FAM107A: variants seen among roughly 807,000 people sequenced by gnomAD.
FAM107A encodes the protein family with sequence similarity 107 member A.
A neutral mutation model predicts 13.7 loss-of-function variants in FAM107A; 19 were observed. The ratio of observed to expected loss-of-function variants is 1.38; its 90% CI spans 0.97 to 2.03. The LOEUF is 2.03. FAM107A is among the 30% of genes most tolerant of loss of function. The probability of loss-of-function intolerance (pLI) is 0.00; values close to 1 mark genes in which losing one functional copy is unlikely to be tolerated. For synonymous variants in FAM107A, 82 were observed against 74.5 expected, an observed-to-expected ratio of 1.10 and a Z score of -0.52; for missense variants, 203 against 184.4, an observed-to-expected ratio of 1.10 and a Z score of -0.58.
At chr3:58,582,880 C>A (rs913660280) in intron 1 of FAM107A, among the ~76,000 whole-genome samples, 4 of 152,182 alleles carry the variant, frequency 2.6e-5, no homozygotes, top group Non-Finnish European at 5.9e-5. Flanking sequence ...CTCACTGCGA[C>A]CTCTGCCTCC....
chr3:58,572,417 G>A (rs778907888), intron 1 of FAM107A, among the ~76,000 whole-genome samples: 16 of 152,276 alleles, frequency 1.1e-4, no homozygotes, highest in East Asian at 7.7e-4. Context: ...CTGAGGAGGC[G>A]ACATTAAGAT....
chr3:58,582,351 G>A (rs767529648), upstream of FAM107A, among the ~76,000 whole-genome samples: 3 of 152,198 alleles, frequency 2.0e-5, no homozygotes, highest in South Asian at 4.1e-4. Context: ...CTCTGGCTGC[G>A]GAGAAGAAGT....
intron 2 of FAM107A, among the ~76,000 whole-genome samples, chr3:58,568,608 CCATT>C (rs2063648497): frequency 6.6e-6 from 1 of 151,488 alleles, no homozygotes. Context: ...AGTCTAAAAA[CCATT>C]CAGAGAAAAT....
chr3:58,587,031 C>G, exon 1 of FAM107A: 1 of 1,367,332 alleles, frequency 7.3e-7, no homozygotes, highest in African/African-American at 1.5e-5. Flanking sequence ...GCGACGGTGA[C>G]GCGGCCCCAA....
At chr3:58,601,283 G>GA (rs57528793) in intron 1 of FAM107A, among the ~76,000 whole-genome samples, 27,042 of 152,050 alleles carry the variant, frequency 0.18, 3,222 homozygotes, top group East Asian at 0.46. Context: ...CCTCCTCCCA[G>GA]AAAAAACTGA....
intron 1 of FAM107A, among the ~76,000 whole-genome samples, chr3:58,616,376 T>A (rs773870054): frequency 6.6e-6 from 1 of 151,990 alleles, no homozygotes; most frequent in Non-Finnish European, 1.5e-5. Flanking sequence ...TTGAATTGTA[T>A]CCCCCAAAAG....
intron 1 of FAM107A, among the ~76,000 whole-genome samples, chr3:58,612,524 G>A (rs980231743): frequency 6.6e-5 from 10 of 151,732 alleles, no homozygotes; most frequent in Admixed American, 5.9e-4. Flanking sequence ...AGGCTGAAGT[G>A]AGCCGTGATC....
chr3:58,569,789 C>T lies in FAM107A; in HGVS notation c.72G>A (p.Trp24Ter), dbSNP rs1559474411. The T allele has an allele frequency of 6.2e-7, 1 of 1,614,152 alleles. No individual in the cohort carries two copies. Among genetic ancestry groups the T allele is most frequent in the Admixed American group, 1.7e-5 (1 of 60,020 alleles). Residue 24 changes from tryptophan (W) to a stop codon, truncating the protein, a stop_gained, in exon 2 of 4, where the codon TGG becomes TGA. Coordinates refer to ENST00000360997, the MANE Select transcript of FAM107A (RefSeq NM_001076778.3). LOFTEE classifies it high-confidence loss of function. This position sits in a 1 kb window ranked among gnomAD's most constrained non-coding sequence, Gnocchi z 5.7. ...TCTTGGGCTTGATGAGCTCCGGATTCCACTCTCTGTATTCTGGCCGGGCCA... is the reference window on the plus strand; with the variant it reads ...TCTTGGGCTTGATGAGCTCCGGATTTCACTCTCTGTATTCTGGCCGGGCCA... ...GLMARPEYRE[W>*]NPELIKPKKL... is the part of the protein sequence containing the mutation.
chr3:58,625,188 C>T (rs1490376607), intron 1 of FAM107A, among the ~76,000 whole-genome samples: 1 of 152,182 alleles, frequency 6.6e-6, no homozygotes, highest in Non-Finnish European at 1.5e-5. Flanking sequence ...CAAGGAGACC[C>T]CAGAGAAATC....
chr3:58,626,901 G>C, intron 1 of FAM107A: 1 of 1,465,046 alleles, frequency 6.8e-7, no homozygotes, highest in Non-Finnish European at 9.2e-7. Context: ...GTGGGTCGGG[G>C]CTCCCACTTG....
At chr3:58,606,846 G>A (rs910902345) in intron 1 of FAM107A, among the ~76,000 whole-genome samples, 1 of 152,088 alleles carries the variant, frequency 6.6e-6, no homozygotes, top group African/African-American at 2.4e-5. Flanking sequence ...TCTCCCTCCA[G>A]CCTTCACACT....
At chr3:58,597,357 C>T (rs1575450251) in intron 1 of FAM107A, among the ~76,000 whole-genome samples, 4 of 152,188 alleles carry the variant, frequency 2.6e-5, no homozygotes, top group African/African-American at 9.7e-5. Context: ...CTCCCATACA[C>T]AATGCTTTGG....
intron 1 of FAM107A, chr3:58,573,522 G>A (rs1559476260): frequency 1.3e-5 from 2 of 152,460 alleles, no homozygotes; most frequent in Non-Finnish European, 2.9e-5. Context: ...GTCCATCCGG[G>A]GAGTGGCTGT....
chr3:58,614,735 C>T (rs1466621931), intron 1 of FAM107A, among the ~76,000 whole-genome samples: 2 of 152,068 alleles, frequency 1.3e-5, no homozygotes, highest in Non-Finnish European at 2.9e-5. Context: ...GAACTCCTGA[C>T]GTCAAGTGAT....
chr3:58,588,555 G>A, upstream of FAM107A, among the ~76,000 whole-genome samples: 1 of 152,226 alleles, frequency 6.6e-6, no homozygotes, highest in Admixed American at 6.5e-5. Context: ...GATCATGTCT[G>A]TCATCAACAA....
At chr3:58,610,624 G>A (rs1867426) in intron 1 of FAM107A, among the ~76,000 whole-genome samples, 134,666 of 152,276 alleles carry the variant, frequency 0.88, 59,599 homozygotes, top group Admixed American at 0.91. Flanking sequence ...AACTGAAGCT[G>A]CTTGCATAGG....
At chr3:58,575,728 C>G (rs1437669861) in intron 1 of FAM107A, among the ~76,000 whole-genome samples, 1 of 152,200 alleles carries the variant, frequency 6.6e-6, no homozygotes, top group Non-Finnish European at 1.5e-5. Context: ...TGGAGGCCTG[C>G]TAACTTGAGG....
At chr3:58,607,104 G>C (rs1237777059) in intron 1 of FAM107A, 1 of 152,202 alleles carries the variant, frequency 6.6e-6, no homozygotes, top group Non-Finnish European at 1.5e-5. Flanking sequence ...AAGAACACTT[G>C]ACTGTGGCAT....
intron 1 of FAM107A, chr3:58,570,393 G>A (rs2063669531): frequency 1.0e-6 from 1 of 984,760 alleles, no homozygotes; most frequent in African/African-American, 1.7e-5. Context: ...CATCAAAGAG[G>A]AGAGCATGAA....
Sources: allele counts gnomAD v4.1 joint callset (sites outside exome capture counted in the v4.1 genomes callset), GRCh38; gene constraint gnomAD v4.1.1; non-coding constraint Gnocchi (gnomAD v3.1); transcripts MANE v1.5; gene names NCBI Gene and HGNC (gene_info 2026-07-23, HGNC 2026-07-21).